Variants in FSTL5 observed in about 807,000 individuals in gnomAD.
The protein encoded by FSTL5 is follistatin like 5.
Under a neutral mutation model 89.1 loss-of-function variants are expected in FSTL5, and 62 were observed. The ratio of observed to expected loss-of-function variants is 0.70; its 90% confidence interval spans 0.57 to 0.86. The LOEUF is 0.86. Ranked by LOEUF, FSTL5 falls within the 40% of genes least tolerant of loss-of-function variation. FSTL5 has a pLI of 0.00. For missense variants in FSTL5, 1,057 were observed against 1,001.6 expected (o/e 1.06, Z -0.75); for synonymous variants, 383 against 346.2 (o/e 1.11, Z -1.18).
intron 4 of FSTL5, among the ~76,000 whole-genome samples, chr4:161,836,697 G>C (rs1203529201): frequency 6.6e-6 from 1 of 151,798 alleles, no homozygotes; most frequent in Non-Finnish European, 1.5e-5. Flanking sequence ...CAATGTTGAG[G>C]ATACGTTGTT....
Position 161,597,637 on chromosome 4 carries a change from T to A in FSTL5, c.895-10062A>T, listed in dbSNP as rs563963548. Among the ~76,000 whole-genome samples, 910 of 143,654 alleles carry A rather than the reference T, an allele frequency of 6.3e-3. 13 individuals are homozygous for A. Among genetic ancestry groups the A allele is most frequent in the African/African-American group, 0.022 (874 of 39,252 alleles). 94.2% of individuals were successfully genotyped at this position (143,654 alleles called of 152,430 possible). On this transcript the variant is annotated intron_variant, in intron 7 of 15. Transcript: ENST00000306100. ...AGAACTTAAAGTATAATAAAAAAAA[T>A]ATGAAACAAAAAATAAATAAATACA... is the stretch of plus-strand genomic sequence containing the variant.
At chr4:161,745,362 A>C (rs941104832) in intron 6 of FSTL5, among the ~76,000 whole-genome samples, 2 of 152,068 alleles carry the variant, frequency 1.3e-5, no homozygotes, top group African/African-American at 4.8e-5. Flanking sequence ...AACTATATAC[A>C]AAAATGTGCT....
chr4:162,042,169 A>T (rs1428958256), intron 2 of FSTL5: 1 of 151,632 alleles, frequency 6.6e-6, no homozygotes, highest in Admixed American at 6.6e-5. Context: ...GAAAAAAAAA[A>T]TGTTATATGA....
At chr4:161,515,413 T>C (rs1485169603) in intron 10 of FSTL5, among the ~76,000 whole-genome samples, 1 of 151,844 alleles carries the variant, frequency 6.6e-6, no homozygotes, top group Non-Finnish European at 1.5e-5. Context: ...CACCATGTTG[T>C]TCAGGCTGAT....
At chr4:161,907,086 T>A (rs1733559035) in intron 4 of FSTL5, among the ~76,000 whole-genome samples, 1 of 152,136 alleles carries the variant, frequency 6.6e-6, no homozygotes, top group Non-Finnish European at 1.5e-5. Flanking sequence ...AAACATGTGC[T>A]ATGTTACTCA....
chr4:162,068,644 A>C (rs898103685), intron 2 of FSTL5, among the ~76,000 whole-genome samples: 2 of 152,128 alleles, frequency 1.3e-5, no homozygotes, highest in East Asian at 1.9e-4. Context: ...GCACAGGCAA[A>C]GATATCATGA....
At chr4:161,471,876 A>G (rs754014611) in intron 13 of FSTL5, among the ~76,000 whole-genome samples, 8 of 152,154 alleles carry the variant, frequency 5.3e-5, no homozygotes, top group Non-Finnish European at 1.2e-4. Context: ...CATTATCTAT[A>G]GAATTGGTAT....
At chr4:161,477,110 A>G (rs1340991298) in intron 13 of FSTL5, among the ~76,000 whole-genome samples, 2 of 151,712 alleles carry the variant, frequency 1.3e-5, no homozygotes, top group African/African-American at 2.4e-5. Flanking sequence ...TGTGTCTGAC[A>G]CAATAAACAA....
At chr4:161,873,487 TC>T (rs1185739970) in intron 4 of FSTL5, among the ~76,000 whole-genome samples, 9 of 150,248 alleles carry the variant, frequency 6.0e-5, no homozygotes, top group Non-Finnish European at 1.3e-4. Context: ...CTTAGTTCCT[TC>T]CTTCCTTCCT....
intron 7 of FSTL5, among the ~76,000 whole-genome samples, chr4:161,596,196 C>T (rs6850827): frequency 0.99 from 150,804 of 151,952 alleles, 74,844 homozygotes; most frequent in Middle Eastern, 1. Context: ...ATACTTAATA[C>T]AGAATCAGTA....
chr4:161,395,827 G>T (rs1730976913), intron 15 of FSTL5, among the ~76,000 whole-genome samples: 1 of 152,040 alleles, frequency 6.6e-6, no homozygotes, highest in Non-Finnish European at 1.5e-5. Context: ...GAAAGTAATG[G>T]ACTATTCATA....
intron 2 of FSTL5, among the ~76,000 whole-genome samples, chr4:162,084,703 C>T (rs966186503): frequency 1.3e-5 from 2 of 151,998 alleles, no homozygotes; most frequent in Non-Finnish European, 2.9e-5. Flanking sequence ...TGTTCTCACT[C>T]ATAAGTGAGA....
At chr4:161,755,480 G>GT (rs1344894208) in intron 6 of FSTL5, among the ~76,000 whole-genome samples, 1 of 151,948 alleles carries the variant, frequency 6.6e-6, no homozygotes, top group Non-Finnish European at 1.5e-5. Context: ...CTGGAACTCA[G>GT]GAAGTCTGTT....
intron 1 of FSTL5, among the ~76,000 whole-genome samples, chr4:162,135,603 G>A (rs1004838759): frequency 2.0e-5 from 3 of 152,024 alleles, no homozygotes; most frequent in African/African-American, 7.2e-5. Context: ...TTGCTGTTAA[G>A]GTTAATGAAT....
intron 7 of FSTL5, among the ~76,000 whole-genome samples, chr4:161,605,473 G>A (rs1734406841): frequency 6.6e-6 from 1 of 152,104 alleles, no homozygotes; most frequent in South Asian, 2.1e-4. Flanking sequence ...ACACTCGCAA[G>A]CTTTCAAAAT....
At chr4:162,033,956 G>T (rs530929506) in intron 2 of FSTL5, among the ~76,000 whole-genome samples, 69 of 151,926 alleles carry the variant, frequency 4.5e-4, no homozygotes, top group Non-Finnish European at 9.1e-4. Flanking sequence ...ATATCATTAT[G>T]CCAGGCTAAT....
At chr4:161,837,954 A>C (rs1272618354) in intron 4 of FSTL5, among the ~76,000 whole-genome samples, 2 of 152,168 alleles carry the variant, frequency 1.3e-5, no homozygotes, top group African/African-American at 4.8e-5. Flanking sequence ...AAATCACGTA[A>C]TGTTCACCAT....
intron 4 of FSTL5, among the ~76,000 whole-genome samples, chr4:161,830,838 T>C (rs768301406): frequency 2.0e-5 from 3 of 151,960 alleles, no homozygotes; most frequent in Non-Finnish European, 4.4e-5. Context: ...GATCATAGTA[T>C]GCTAAAAAAA....
At chr4:161,544,698 G>C (rs1231609420) in intron 8 of FSTL5, among the ~76,000 whole-genome samples, 1 of 151,922 alleles carries the variant, frequency 6.6e-6, no homozygotes, top group Non-Finnish European at 1.5e-5. Context: ...ACTAAAAAAA[G>C]ATGAGTTATA....
Sources: gnomAD v4.1 joint callset for allele counts (sites outside exome capture counted in the v4.1 genomes callset) on GRCh38, gnomAD v4.1.1 for gene constraint, MANE v1.5 for transcripts, NCBI Gene and HGNC (gene_info 2026-07-23, HGNC 2026-07-21) for gene names.